The following TMEM232 variants were observed in gnomAD, a reference collection of about 807,000 sequenced individuals.
The protein encoded by TMEM232 is transmembrane protein 232.
Under a neutral mutation model 78.8 loss-of-function variants are expected in TMEM232, and 80 were observed. The observed-to-expected ratio is 1.01, with a 90% CI of 0.85 to 1.22. TMEM232 has a LOEUF of 1.22. Among genes scored for constraint, TMEM232 ranks in the 50% most tolerant of loss-of-function variants. TMEM232 has a pLI of 0.00. For synonymous variants in TMEM232, 297 were observed against 254.3 expected, an observed-to-expected ratio of 1.17 and a Z score of -1.60; for missense variants, 881 against 742.2, an observed-to-expected ratio of 1.19 and a Z score of -2.17.
intron 10 of TMEM232, among the ~76,000 whole-genome samples, chr5:110,601,651 C>G (rs999030879): frequency 5.3e-5 from 8 of 152,050 alleles, no homozygotes; most frequent in African/African-American, 1.4e-4. Context: ...AGAGAGGACA[C>G]AAACAAATGG....
At chr5:110,531,426 G>A (rs1771454277) in intron 11 of TMEM232, among the ~76,000 whole-genome samples, 2 of 152,272 alleles carry the variant, frequency 1.3e-5, no homozygotes, top group African/African-American at 2.4e-5. Context: ...CCACCTATCA[G>A]GTCCTCATAC....
At chr5:110,696,974 G>A (rs944871865) in intron 1 of TMEM232, among the ~76,000 whole-genome samples, 2 of 152,114 alleles carry the variant, frequency 1.3e-5, no homozygotes. Flanking sequence ...AACCAGAAAA[G>A]AGCCCGCATT....
intron 2 of TMEM232, 117 bp from the exon 3 acceptor site, chr5:110,642,488 T>A: frequency 5.9e-6 from 4 of 681,242 alleles, no homozygotes; most frequent in Non-Finnish European, 9.0e-6. Context: ...ACTTTCTTAA[T>A]AAAACTGTTT....
At chr5:110,399,882 C>A (rs1755530114) in intron 2 of TMEM232, among the ~76,000 whole-genome samples, 1 of 152,080 alleles carries the variant, frequency 6.6e-6, no homozygotes, top group African/African-American at 2.4e-5. Context: ...TCGTAGTCTC[C>A]CCAAAGTCTT....
intron 11 of TMEM232, among the ~76,000 whole-genome samples, chr5:110,549,228 T>C (rs1409798116): frequency 6.6e-6 from 1 of 151,922 alleles, no homozygotes; most frequent in Non-Finnish European, 1.5e-5. Flanking sequence ...ATCCATTAAA[T>C]GCAAGGAAAT....
chr5:110,424,934 A>AT lies in TMEM232; in HGVS notation c.1704-19_1704-18insA. 6.6e-7 allele frequency: 1 copy of AT among 1,508,934 alleles called. No individual in the cohort carries two copies. Among genetic ancestry groups the AT allele is most frequent in the Non-Finnish European group, 9.0e-7 (1 of 1,111,814 alleles). 93.5% of individuals were successfully genotyped at this position (1,508,934 alleles called of 1,614,324 possible). On this transcript the variant is annotated intron_variant, in intron 12 of 13. Coordinates refer to ENST00000455884, the MANE Select transcript of TMEM232 (RefSeq NM_001039763.4). The stretch of plus-strand genomic sequence containing the variant: ...GATGTTCCCTTCAAAAGAGCACAAG[A>AT]ACAAATCCAACATTAGGTATAGGTA...
intron 12 of TMEM232, among the ~76,000 whole-genome samples, chr5:110,496,959 G>A (rs1477949646): frequency 2.0e-5 from 3 of 151,920 alleles, no homozygotes; most frequent in Admixed American, 6.6e-5. Flanking sequence ...GTATTTGGTG[G>A]AAACAAACAG....
chr5:110,516,044 C>A (rs1020391476), intron 12 of TMEM232, among the ~76,000 whole-genome samples: 6 of 152,148 alleles, frequency 3.9e-5, no homozygotes, highest in African/African-American at 1.4e-4. Flanking sequence ...TCGAGACCAT[C>A]CTGGCTAACA....
chr5:110,652,378 G>A (rs1175976494), intron 2 of TMEM232, among the ~76,000 whole-genome samples: 1 of 151,274 alleles, frequency 6.6e-6, no homozygotes, highest in Non-Finnish European at 1.5e-5. Flanking sequence ...GTTTGTCTCA[G>A]CTTTTTCATA....
chr5:110,568,249 C>G (rs1776558146), intron 11 of TMEM232, among the ~76,000 whole-genome samples, 198 bp downstream of exon 11: 1 of 151,806 alleles, frequency 6.6e-6, no homozygotes, highest in South Asian at 2.1e-4. Flanking sequence ...ATTTTGGTGG[C>G]CTTTACACTA....
chr5:110,614,399 TAAG>T (rs1782680483), intron 8 of TMEM232, among the ~76,000 whole-genome samples: 1 of 152,080 alleles, frequency 6.6e-6, no homozygotes, highest in African/African-American at 2.4e-5. Flanking sequence ...ATTTTTAAAA[TAAG>T]AAGAGTTTTG....
Position 110,618,495 on chromosome 5 carries a change from C to T in TMEM232, c.836G>A (p.Ser279Asn). Residue 279 changes from serine (S) to asparagine (N), a missense_variant, in exon 8 of 14, where the codon AGT becomes AAT. Physicochemically the swap from Ser to Asn is conservative, Grantham distance 46. Transcript: ENST00000455884. ...VAAWSCVQNN[S>N]PQLNNVLEHL... ...TTCAAGCACGTTATTCAACTGAGGACTGTTATTCTGAACACAAGACCAAGC... is the reference window on the plus strand; with the variant it reads ...TTCAAGCACGTTATTCAACTGAGGATTGTTATTCTGAACACAAGACCAAGC... 6.4e-7 allele frequency: 1 copy of T among 1,551,658 alleles called. No homozygotes were observed. Among genetic ancestry groups the T allele is most frequent in the South Asian group, 1.2e-5 (1 of 84,042 alleles).
chr5:110,409,179 A>G (rs1414841893), intron 2 of TMEM232, among the ~76,000 whole-genome samples: 2 of 152,140 alleles, frequency 1.3e-5, no homozygotes, highest in East Asian at 1.9e-4. Flanking sequence ...AATAATGAAC[A>G]TTTATTTCAT....
intron 2 of TMEM232, among the ~76,000 whole-genome samples, chr5:110,411,198 C>T (rs1755984659): frequency 6.6e-6 from 1 of 152,090 alleles, no homozygotes; most frequent in African/African-American, 2.4e-5. Flanking sequence ...GCTCCCAGCT[C>T]TTCCCATACC....
At chr5:110,454,328 T>C (rs1252285821) in intron 12 of TMEM232, among the ~76,000 whole-genome samples, 1 of 151,894 alleles carries the variant, frequency 6.6e-6, no homozygotes, top group South Asian at 2.1e-4. Flanking sequence ...AAAAAAATAT[T>C]AAACTAAAGA....
chr5:110,499,634 C>CA (rs200615960), intron 12 of TMEM232, among the ~76,000 whole-genome samples: 15,235 of 131,534 alleles, frequency 0.12, 1,016 homozygotes, highest in East Asian at 0.25. Context: ...TACACCCCCC[C>CA]CCACACACAC....
intron 10 of TMEM232, among the ~76,000 whole-genome samples, chr5:110,571,670 T>TTTTG (rs778515467): frequency 4.0e-5 from 6 of 151,040 alleles, no homozygotes; most frequent in Non-Finnish European, 8.9e-5. Context: ...TAGTTGTTTT[T>TTTTG]TTTGTTTGTT....
At chr5:110,653,953 T>C (rs1788683294) in intron 2 of TMEM232, among the ~76,000 whole-genome samples, 1 of 152,004 alleles carries the variant, frequency 6.6e-6, no homozygotes, top group African/African-American at 2.4e-5. Flanking sequence ...GGAAGAATAC[T>C]AAGAAAAAAA....
At chr5:110,606,021 A>G in intron 9 of TMEM232, 143 bp downstream of exon 9, 1 of 702,104 alleles carries the variant, frequency 1.4e-6, no homozygotes, top group Non-Finnish European at 2.0e-6. Context: ...GGTAACTGTG[A>G]ATTTGCTTTT....
Sources: gnomAD v4.1 joint callset for allele counts (sites outside exome capture counted in the v4.1 genomes callset) on GRCh38, gnomAD v4.1.1 for gene constraint, MANE v1.5 for transcripts, NCBI Gene and HGNC (gene_info 2026-07-23, HGNC 2026-07-21) for gene names.